The following VWA8 variants were observed in gnomAD, a reference collection of about 807,000 sequenced individuals.
VWA8 encodes von Willebrand factor A domain-containing protein 8.
VWA8 carries 221 observed loss-of-function variants against 241.5 expected under a neutral mutation model. The observed-to-expected ratio is 0.91, with a 90% confidence interval of 0.82 to 1.02. The LOEUF (loss-of-function observed/expected upper bound fraction) is 1.02, where lower values mean the gene tolerates loss of function less well. Ranked by LOEUF, VWA8 falls within the 50% of genes least tolerant of loss-of-function variation. VWA8 has a pLI of 0.00. For missense variants in VWA8, 2,322 were observed against 2,328.7 expected (o/e 1.00, Z 0.06); for synonymous variants, 852 against 827.1 (o/e 1.03, Z -0.52).
intron 42 of VWA8, among the ~76,000 whole-genome samples, chr13:41,581,287 C>T (rs1341938223): frequency 1.3e-5 from 1 of 76,490 alleles, no homozygotes; most frequent in Non-Finnish European, 2.1e-5. Flanking sequence ...CAGGCGTGAG[C>T]CACCGCGCCC....
Position 41,729,564 on chromosome 13 carries a change from T to C in VWA8, c.2616A>G (p.Ala872=). 6.2e-7 allele frequency: 1 copy of C among 1,612,274 alleles called. No homozygotes were observed. Among genetic ancestry groups the C allele is most frequent in the Non-Finnish European group, 8.5e-7 (1 of 1,179,226 alleles). The change falls in exon 23 of 45, where the codon GCA becomes GCG. Residue 872 remains alanine, a synonymous_variant. Coordinates refer to ENST00000379310, the MANE Select transcript of VWA8 (RefSeq NM_015058.2). ...TLVENGEMIL[A]DGRRIVANSA... Reference sequence around the variant, plus strand: ...CACTTGCAACAATGCGTCTTCCATCTGCTAGAATCATTTCTCCATTTTCTA... The same window carrying C: ...CACTTGCAACAATGCGTCTTCCATCCGCTAGAATCATTTCTCCATTTTCTA...
intron 9 of VWA8, among the ~76,000 whole-genome samples, chr13:41,878,644 T>C (rs1459774303): frequency 1.3e-5 from 2 of 152,140 alleles, no homozygotes; most frequent in African/African-American, 4.8e-5. Flanking sequence ...TCTCCTCTTA[T>C]CTAATACCAA....
At chr13:41,931,796 A>AT (rs762528684) in intron 2 of VWA8, among the ~76,000 whole-genome samples, 1 of 152,154 alleles carries the variant, frequency 6.6e-6, no homozygotes, top group Non-Finnish European at 1.5e-5. Context: ...TGTATCAAAA[A>AT]TTTTAGCATT....
chr13:41,614,885 G>A (rs1019463541), intron 38 of VWA8, 91 bp downstream of exon 38: 55 of 1,263,492 alleles, frequency 4.4e-5, no homozygotes, highest in East Asian at 1.4e-4. Flanking sequence ...AGGAAAGCCC[G>A]TCTCTGAGTC....
At chr13:41,704,248 T>C (rs1284039215) in intron 26 of VWA8, among the ~76,000 whole-genome samples, 1 of 152,194 alleles carries the variant, frequency 6.6e-6, no homozygotes, top group Non-Finnish European at 1.5e-5. Flanking sequence ...GTGTAACAAG[T>C]ACCCAAAGAG....
chr13:41,784,727 T>TATATATATATATATATACATAC (rs1555335045), intron 18 of VWA8, among the ~76,000 whole-genome samples: 1 of 69,014 alleles, frequency 1.4e-5, no homozygotes, highest in Non-Finnish European at 3.2e-5. Context: ...TATATATATA[T>TATATATATATATATATACATAC]ATACACACAC....
At chr13:41,909,482 T>A (rs1192706165) in intron 3 of VWA8, among the ~76,000 whole-genome samples, 5 of 152,350 alleles carry the variant, frequency 3.3e-5, no homozygotes, top group African/African-American at 9.6e-5. Flanking sequence ...TGGAGTAAAG[T>A]GGCAATTTCT....
At position 41,891,522 on chromosome 13, in the gene VWA8, C is replaced by T. The variant is rs1342198993; in HGVS notation, c.549G>A (p.Arg183=). ...LILEGLEKAE[R]NVLPVLNNLL... The stretch of plus-strand genomic sequence containing the variant: ...AGTTGTTCAAAACAGGCAAAACATT[C>T]CTCTCTGCCTTTTCCAAACCTTCCA... Residue 183 remains arginine, a synonymous_variant, in exon 5 of 45, where the codon AGG becomes AGA. Transcript: ENST00000379310. 3.7e-6 allele frequency: 6 copies of T among 1,614,096 alleles called. No individual in the cohort carries two copies. Among genetic ancestry groups the T allele is most frequent in the Non-Finnish European group, 5.1e-6 (6 of 1,180,038 alleles).
chr13:41,584,877 G>A (rs898971313), intron 42 of VWA8, among the ~76,000 whole-genome samples: 15 of 152,116 alleles, frequency 9.9e-5, no homozygotes, highest in African/African-American at 3.4e-4. Flanking sequence ...TACCCACAGA[G>A]GCACGTGTGA....
intron 14 of VWA8, among the ~76,000 whole-genome samples, chr13:41,826,181 C>T (rs1232217438): frequency 6.6e-6 from 1 of 152,096 alleles, no homozygotes; most frequent in African/African-American, 2.4e-5. Flanking sequence ...CAGAGTGAAG[C>T]AGATTCTGTA....
Position 41,699,125 on chromosome 13 carries a change from T to G in VWA8, c.3510A>C (p.Thr1170=). Residue 1170 remains threonine (T), a synonymous_variant, in exon 29 of 45, where the codon ACA becomes ACC. Transcript: ENST00000379310. ...TANGVWHPFV[T]VAPLGSPLKG... is the part of the protein sequence containing the mutation. ...TGAGAGGACTTCCCAGCGGTGCCAC[T>G]GTCACAAAAGGGTGCCAAACGCCAT... 6.2e-7 allele frequency: 1 copy of G among 1,614,082 alleles called. No homozygotes were observed. The highest frequency in any genetic ancestry group is 8.5e-7 in the Non-Finnish European group (1 of 1,179,976).
chr13:41,758,408 A>AG (rs2045712695), intron 21 of VWA8, among the ~76,000 whole-genome samples: 1 of 76,346 alleles, frequency 1.3e-5, no homozygotes, highest in Admixed American at 1.2e-4. Context: ...GTATATATAT[A>AG]TATATATATA....
chr13:41,697,812 C>T (rs1357705788), intron 29 of VWA8, among the ~76,000 whole-genome samples: 2 of 152,148 alleles, frequency 1.3e-5, no homozygotes. Flanking sequence ...CTGCTCTGCA[C>T]AACCTGCTTC....
chr13:41,735,150 T>A (rs2045515275), intron 21 of VWA8, among the ~76,000 whole-genome samples: 1 of 152,170 alleles, frequency 6.6e-6, no homozygotes, highest in African/African-American at 2.4e-5. Flanking sequence ...ACACAGATTG[T>A]TATAGTAATA....
chr13:41,714,861 G>A (rs1437389331), intron 26 of VWA8, among the ~76,000 whole-genome samples: 2 of 151,830 alleles, frequency 1.3e-5, no homozygotes, highest in Admixed American at 6.6e-5. Flanking sequence ...ATGACATCAC[G>A]GTCAATGATG....
chr13:41,920,923 T>A (rs541242866), intron 2 of VWA8, among the ~76,000 whole-genome samples: 3 of 152,328 alleles, frequency 2.0e-5, no homozygotes, highest in African/African-American at 7.2e-5. Context: ...GAATCCTCCA[T>A]AACTCATTTT....
intron 13 of VWA8, among the ~76,000 whole-genome samples, chr13:41,831,232 T>G (rs951738510): frequency 6.6e-6 from 1 of 152,012 alleles, no homozygotes; most frequent in Admixed American, 6.6e-5. Context: ...ATGCCCACAA[T>G]AGAGTTAGCC....
intron 2 of VWA8, among the ~76,000 whole-genome samples, chr13:41,922,088 A>G (rs1876568385): frequency 6.6e-6 from 1 of 152,244 alleles, no homozygotes; most frequent in Non-Finnish European, 1.5e-5. Context: ...AAACAGAGAT[A>G]TAGATCAATG....
chr13:41,758,407 T>TTCC lies in VWA8; in HGVS notation c.2426+2720_2426+2721insGGA, dbSNP rs200116431. ...ATATATATATACGCTAGTATATATATATATATATATATATATATATATACG... is the reference window on the plus strand; with the variant it reads ...ATATATATATACGCTAGTATATATATTCCATATATATATATATATATATATACG... On this transcript the variant is annotated intron_variant, in intron 21 of 44. Coordinates refer to ENST00000379310, the MANE Select transcript of VWA8 (RefSeq NM_015058.2). Among the ~76,000 whole-genome samples, 375 of 79,730 alleles carry TTCC rather than the reference T, an allele frequency of 4.7e-3. 39 individuals carry two copies. Among genetic ancestry groups the TTCC allele is most frequent in the East Asian group, 0.011 (30 of 2,704 alleles). The allele number at this position is 79,730 out of a possible 152,430, so 52.3% of individuals were successfully genotyped here.
Sources: allele counts gnomAD v4.1 joint callset (sites outside exome capture counted in the v4.1 genomes callset), GRCh38; gene constraint gnomAD v4.1.1; transcripts MANE v1.5; gene names NCBI Gene and HGNC (gene_info 2026-07-23, HGNC 2026-07-21).